The following PDE10A variants were observed in gnomAD, a reference collection of about 807,000 sequenced individuals.
PDE10A encodes cAMP and cAMP-inhibited cGMP 3',5'-cyclic phosphodiesterase 10A.
PDE10A carries 39 observed loss-of-function variants against 97.7 expected under a neutral mutation model. The observed-to-expected ratio is 0.40, with a 90% confidence interval of 0.31 to 0.52. The LOEUF (loss-of-function observed/expected upper bound fraction) is 0.52. Ranked by LOEUF, PDE10A falls within the 20% of genes least tolerant of loss-of-function variation. The pLI, the probability that PDE10A is intolerant of heterozygous loss-of-function variation, is 0.56. For synonymous variants in PDE10A, 371 were observed against 376.8 expected (o/e 0.98, Z 0.18); for missense variants, 731 against 1,047.8 (o/e 0.70, Z 4.17).
In PDE10A at chr6:165,943,361, A is replaced by AAAGG. The variant is rs1167502272; in HGVS notation, c.-615+44167_-615+44168insCCTT. ...AGAAAGAAAAGAGAAAGAAAGAAAG[A>AAAGG]GAAAGAAAGAAAACGAACGAACTGA... On this transcript the variant is annotated intron_variant, in intron 1 of 19. Coordinates refer to the PDE10A transcript ENST00000366882. Among the ~76,000 whole-genome samples, 129 of 89,938 alleles carry AAAGG rather than the reference A, an allele frequency of 1.4e-3. 5 individuals are homozygous for AAAGG. The highest frequency in any genetic ancestry group is 3.5e-3 in the African/African-American group (85 of 24,314). 59.0% of individuals were successfully genotyped at this position (89,938 alleles called of 152,430 possible). A position where few individuals can be genotyped will look rare whatever the true frequency, so the allele number is the denominator to read the frequency against.
In PDE10A at chr6:165,971,204, C is replaced by T. The variant is rs1784661926; in HGVS notation, c.-615+16325G>A. ...AGTAGAAATCGCTATAAAGAAATCA[C>T]TGTTAAATTTTTTTTAAATGGCACA... On this transcript the variant is annotated intron_variant, in intron 1 of 19. Transcript: ENST00000366882. Among the ~76,000 whole-genome samples, 2 of 151,940 alleles carry T rather than the reference C, an allele frequency of 1.3e-5. 1 individual carries two copies. Among genetic ancestry groups the T allele is most frequent in the South Asian group, 4.2e-4 (2 of 4,814 alleles).
At chr6:165,606,508 A>C (rs1226099298) in intron 1 of PDE10A, among the ~76,000 whole-genome samples, 1 of 152,154 alleles carries the variant, frequency 6.6e-6, no homozygotes, top group Non-Finnish European at 1.5e-5. Flanking sequence ...CGCCTATTAA[A>C]AACTTCCACG....
At chr6:165,683,780 C>T (rs75638561) in intron 1 of PDE10A, among the ~76,000 whole-genome samples, 2,333 of 152,208 alleles carry the variant, frequency 0.015, 30 homozygotes, top group South Asian at 0.048. Context: ...TACCTTTGTA[C>T]GTCACCGATT....
At chr6:165,511,617 GA>G (rs1015155322) in intron 2 of PDE10A, among the ~76,000 whole-genome samples, 1 of 151,882 alleles carries the variant, frequency 6.6e-6, no homozygotes, top group African/African-American at 2.4e-5. Context: ...GGCGGATGTT[GA>G]AATTCCCCAC....
chr6:165,709,443 A>C (rs1307322267), intron 1 of PDE10A, among the ~76,000 whole-genome samples: 256 of 14,262 alleles, frequency 0.018, no homozygotes, highest in African/African-American at 0.021. Flanking sequence ...GCTCCCTCCC[A>C]CTCCCCACTC....
intron 1 of PDE10A, among the ~76,000 whole-genome samples, chr6:165,848,098 TTTTC>T (rs1261175062): frequency 6.6e-6 from 1 of 151,702 alleles, no homozygotes; most frequent in Non-Finnish European, 1.5e-5. Flanking sequence ...CTATTTTTTT[TTTTC>T]TCAGGTTCAA....
chr6:165,965,474 A>G (rs1015232720), intron 1 of PDE10A, among the ~76,000 whole-genome samples: 10 of 152,126 alleles, frequency 6.6e-5, no homozygotes, highest in Non-Finnish European at 1.2e-4. Flanking sequence ...AGTGAAAATC[A>G]CCACAATTCT....
At chr6:165,876,798 T>G (rs1466713578) in intron 1 of PDE10A, among the ~76,000 whole-genome samples, 2 of 152,168 alleles carry the variant, frequency 1.3e-5, no homozygotes, top group African/African-American at 4.8e-5. Flanking sequence ...AACTTGGTGC[T>G]GCAATCTGTC....
At chr6:165,781,495 G>T (rs1778341694) in intron 1 of PDE10A, 1 of 148,032 alleles carries the variant, frequency 6.8e-6, no homozygotes, top group African/African-American at 2.4e-5. Flanking sequence ...CATGCTTGTG[G>T]TTGGGCAGAA....
At chr6:165,740,568 C>A (rs577362685) in intron 1 of PDE10A, among the ~76,000 whole-genome samples, 21 of 152,220 alleles carry the variant, frequency 1.4e-4, no homozygotes, top group African/African-American at 4.6e-4. Flanking sequence ...CTCCTGACCT[C>A]GTGATCCACC....
intron 2 of PDE10A, among the ~76,000 whole-genome samples, chr6:165,490,536 A>C (rs1372918133): frequency 3.3e-5 from 5 of 152,134 alleles, no homozygotes; most frequent in African/African-American, 4.8e-5. Context: ...TAAAACAACA[A>C]CACAATGAAA....
rs748139541 is a variant in PDE10A at position 165,823,482 on chromosome 6, T to TTATATATA, written c.-615+164039_-615+164046dup. Among the ~76,000 whole-genome samples, 92 of 37,436 alleles carry TTATATATA rather than the reference T, an allele frequency of 2.5e-3. 1 individual carries two copies. The highest frequency in any genetic ancestry group is 7.6e-3 in the East Asian group (7 of 924). The allele number at this position is 37,436 out of a possible 152,430, so 24.6% of individuals were successfully genotyped here. A position where few individuals can be genotyped will look rare whatever the true frequency, so the allele number is the denominator to read the frequency against. ...GCCTGGGGCTGCTTTATAGTTAACT[T>TTATATATA]TATATATATATATATATATATATAT... On this transcript the variant is annotated intron_variant, in intron 1 of 19. Coordinates refer to the PDE10A transcript ENST00000366882.
chr6:165,809,245 C>G (rs926819385), intron 1 of PDE10A, among the ~76,000 whole-genome samples: 2 of 152,204 alleles, frequency 1.3e-5, no homozygotes, highest in Non-Finnish European at 2.9e-5. Flanking sequence ...CAGTCCTGGA[C>G]TAAGCTGGGT....
intron 1 of PDE10A, among the ~76,000 whole-genome samples, chr6:165,825,276 T>A (rs984335208): frequency 1.3e-5 from 2 of 150,738 alleles, no homozygotes; most frequent in East Asian, 3.9e-4. Flanking sequence ...AGCCCAGGGG[T>A]GTGTCTGGAT....
At chr6:165,730,883 A>C (rs1792417218) in intron 1 of PDE10A, among the ~76,000 whole-genome samples, 1 of 152,004 alleles carries the variant, frequency 6.6e-6, no homozygotes. Context: ...ATCTCGACTA[A>C]AAATACAAAA....
chr6:165,425,440 C>T (rs1386460480), intron 10 of PDE10A, among the ~76,000 whole-genome samples: 1 of 151,734 alleles, frequency 6.6e-6, no homozygotes, highest in Non-Finnish European at 1.5e-5. Context: ...AAATAAAAAC[C>T]ATATGATCAT....
chr6:165,858,319 G>T (rs1461105068), intron 1 of PDE10A, among the ~76,000 whole-genome samples: 1 of 152,192 alleles, frequency 6.6e-6, no homozygotes, highest in Non-Finnish European at 1.5e-5. Context: ...GTGCTGTTTT[G>T]AGGGAGTGCT....
At chr6:165,341,631 G>A (rs1038155926) in intron 19 of PDE10A, among the ~76,000 whole-genome samples, 6 of 151,946 alleles carry the variant, frequency 3.9e-5, no homozygotes, top group African/African-American at 1.5e-4. Flanking sequence ...TTAACATGGC[G>A]GCAACCACAG....
intron 13 of PDE10A, chr6:165,409,763 T>C (rs1787583250): frequency 6.6e-6 from 1 of 152,118 alleles, no homozygotes; most frequent in African/African-American, 2.4e-5. Context: ...GGGTTTGAAG[T>C]GTTTAGAAAA....
Sources: allele counts gnomAD v4.1 joint callset (sites outside exome capture counted in the v4.1 genomes callset), GRCh38; gene constraint gnomAD v4.1.1; transcripts MANE v1.5; gene names NCBI Gene and HGNC (gene_info 2026-07-23, HGNC 2026-07-21).